The following AOPEP variants were observed in gnomAD, a reference collection of about 807,000 sequenced individuals.
AOPEP encodes the protein aminopeptidase O (putative).
A neutral mutation model predicts 98.1 loss-of-function variants in AOPEP; 77 were observed. The ratio of observed to expected loss-of-function variants is 0.78; its 90% CI spans 0.65 to 0.95. The LOEUF (loss-of-function observed/expected upper bound fraction) is 0.95, where lower values mean the gene tolerates loss of function less well. AOPEP is among the 40% of genes least tolerant of loss of function. The probability of loss-of-function intolerance (pLI) is 0.00; values close to 1 mark genes in which losing one functional copy is unlikely to be tolerated. For synonymous variants in AOPEP, 346 were observed against 365.3 expected (o/e 0.95, Z 0.60); for missense variants, 1,024 against 1,024.7 (o/e 1.00, Z 0.01).
chr9:94,790,142 TG>T (rs1845374208), intron 3 of AOPEP, among the ~76,000 whole-genome samples: 1 of 151,914 alleles, frequency 6.6e-6, no homozygotes, highest in Non-Finnish European at 1.5e-5. Flanking sequence ...CCCAAAGTGC[TG>T]GGATTACAAG....
At chr9:94,918,741 C>G (rs1006864442) in intron 5 of AOPEP, among the ~76,000 whole-genome samples, 2 of 152,176 alleles carry the variant, frequency 1.3e-5, no homozygotes, top group Non-Finnish European at 2.9e-5. Context: ...AATACAGTGC[C>G]TGGCACGTAG....
chr9:94,999,781 G>A (rs551934674), intron 11 of AOPEP, among the ~76,000 whole-genome samples: 1 of 151,038 alleles, frequency 6.6e-6, no homozygotes, highest in African/African-American at 2.5e-5. Flanking sequence ...CCTGACAATT[G>A]GGGTGTGTGT....
At chr9:95,085,205 G>T in intron 16 of AOPEP, 2 of 491,278 alleles carry the variant, frequency 4.1e-6, no homozygotes, top group South Asian at 1.5e-5. Context: ...GGGTGGCGCT[G>T]CTCTCAGGTG....
chr9:94,886,560 G>T (rs113252866), intron 5 of AOPEP, among the ~76,000 whole-genome samples: 11 of 151,908 alleles, frequency 7.2e-5, no homozygotes, highest in African/African-American at 2.7e-4. Flanking sequence ...CAAATTTTTT[G>T]CAACAAACAT....
the AOPEP span, among the ~76,000 whole-genome samples, chr9:95,143,184 T>G: frequency 3.3e-5 from 5 of 152,244 alleles, no homozygotes; most frequent in African/African-American, 1.2e-4. Flanking sequence ...AACAGCCACA[T>G]GGAAGAGATG....
chr9:94,771,865 T>C (rs1428321029), intron 2 of AOPEP, among the ~76,000 whole-genome samples: 4 of 152,102 alleles, frequency 2.6e-5, no homozygotes, highest in African/African-American at 9.7e-5. Context: ...CTGGGTTGTC[T>C]TACTGTCCTC....
intron 13 of AOPEP, among the ~76,000 whole-genome samples, chr9:95,035,091 G>A (rs2064675590): frequency 6.6e-6 from 1 of 151,380 alleles, no homozygotes; most frequent in South Asian, 2.1e-4. Flanking sequence ...TTTACGTTAG[G>A]TATTTCTCCT....
chr9:95,074,763 T>C (rs1233521872), intron 14 of AOPEP, among the ~76,000 whole-genome samples: 1 of 152,234 alleles, frequency 6.6e-6, no homozygotes, highest in Admixed American at 6.5e-5. Context: ...TTATTTCATA[T>C]GTGAGCTCTC....
At position 94,979,588 on chromosome 9, in the gene AOPEP, T is replaced by C. The variant is rs184852799; in HGVS notation, c.1977+161T>C. On this transcript the variant is annotated intron_variant, in intron 11 of 16. Coordinates refer to ENST00000375315, the MANE Select transcript of AOPEP (RefSeq NM_001193329.3). ...TCAGAACACTAGTCTCTCCCGCATT[T>C]CCCCCCCTCATTGTGGGGTGTGCCT... 2.4e-3 allele frequency among the ~76,000 whole-genome samples: 359 copies of C among 152,230 alleles called. 2 individuals carry two copies. The highest frequency in any genetic ancestry group is 2.7e-3 in the Non-Finnish European group (187 of 68,004).
chr9:94,905,854 T>C (rs183188572), intron 5 of AOPEP, among the ~76,000 whole-genome samples: 6 of 150,992 alleles, frequency 4.0e-5, no homozygotes, highest in Admixed American at 2.6e-4. Flanking sequence ...CCATCCATCA[T>C]CCCTGTCATT....
At chr9:94,839,323 T>C (rs1483424404) in intron 5 of AOPEP, among the ~76,000 whole-genome samples, 1 of 152,008 alleles carries the variant, frequency 6.6e-6, no homozygotes, top group East Asian at 1.9e-4. Flanking sequence ...CTCCTGACCA[T>C]GTGATCCGCC....
chr9:94,896,572 G>A (rs1343954822), intron 5 of AOPEP, among the ~76,000 whole-genome samples: 1 of 152,220 alleles, frequency 6.6e-6, no homozygotes, highest in Non-Finnish European at 1.5e-5. Flanking sequence ...GTTCCTTGAT[G>A]TGATGTGATG....
chr9:95,029,054 G>A lies in AOPEP; in HGVS notation c.2115+23438G>A, dbSNP rs1215396534. Among the ~76,000 whole-genome samples the A allele has an allele frequency of 4.6e-5, 7 of 152,240 alleles. No homozygotes were observed. In the South Asian group the frequency reaches 1.4e-3, roughly 32 times the overall value. On this transcript the variant is annotated intron_variant, in intron 13 of 16. Coordinates refer to ENST00000375315, the MANE Select transcript of AOPEP (RefSeq NM_001193329.3). ...AGGTAGCTGTGTGGGCAGGTGCTGT[G>A]TGGCATTGAGCTGTCCTCGTTTGCT...
the AOPEP span, chr9:95,110,709 G>A: frequency 1.9e-6 from 2 of 1,060,638 alleles, no homozygotes; most frequent in African/African-American, 1.7e-5. Flanking sequence ...TACAAAATGA[G>A]CCTTGTCCTC....
intron 13 of AOPEP, among the ~76,000 whole-genome samples, chr9:95,013,090 C>A (rs1252483038): frequency 6.6e-6 from 1 of 151,202 alleles, no homozygotes; most frequent in Non-Finnish European, 1.5e-5. Context: ...ATCATGTGTC[C>A]CTTGAGTTTG....
chr9:95,141,245 G>A, the AOPEP span, among the ~76,000 whole-genome samples: 3 of 145,980 alleles, frequency 2.1e-5, no homozygotes, highest in Non-Finnish European at 4.5e-5. Flanking sequence ...CTGGGAGGTC[G>A]AGGCTACAGT....
chr9:94,743,226 A>AGAG (rs1361703730), intron 1 of AOPEP, among the ~76,000 whole-genome samples: 41 of 145,302 alleles, frequency 2.8e-4, no homozygotes, highest in Admixed American at 4.9e-4. Context: ...AAGAGGAAGA[A>AGAG]GAAGAGGAAG....
intron 5 of AOPEP, among the ~76,000 whole-genome samples, chr9:94,811,485 G>A (rs991292194): frequency 3.9e-5 from 6 of 151,940 alleles, no homozygotes; most frequent in Non-Finnish European, 1.5e-5. Flanking sequence ...GACCTCTTCC[G>A]TCTGGGCTCT....
chr9:94,872,677 C>G (rs1402843921), intron 5 of AOPEP, among the ~76,000 whole-genome samples: 2 of 152,188 alleles, frequency 1.3e-5, no homozygotes, highest in Non-Finnish European at 2.9e-5. Context: ...CACCATCCTG[C>G]TCAGTTTGTG....
Sources: gnomAD v4.1 joint callset for allele counts (sites outside exome capture counted in the v4.1 genomes callset) on GRCh38, gnomAD v4.1.1 for gene constraint, MANE v1.5 for transcripts, NCBI Gene and HGNC (gene_info 2026-07-23, HGNC 2026-07-21) for gene names.